The following KIAA0586 variants were observed in gnomAD, a reference collection of about 807,000 sequenced individuals.
The protein encoded by KIAA0586 is KIAA0586.
In KIAA0586, 144 loss-of-function variants were observed where a neutral mutation model predicts 169.8. The ratio of observed to expected loss-of-function variants is 0.85; its 90% CI spans 0.74 to 0.97. The LOEUF (loss-of-function observed/expected upper bound fraction) is 0.97, where lower values mean the gene tolerates loss of function less well. Among genes scored for constraint, KIAA0586 ranks in the 50% least tolerant of loss-of-function variants. The pLI, the probability that KIAA0586 is intolerant of heterozygous loss-of-function variation, is 0.00. For synonymous variants in KIAA0586, 625 were observed against 612.4 expected, an observed-to-expected ratio of 1.02 and a Z score of -0.30; for missense variants, 1,854 against 1,823.0, an observed-to-expected ratio of 1.02 and a Z score of -0.31.
At chr14:58,458,203 G>A (rs781126540) in intron 11 of KIAA0586, among the ~76,000 whole-genome samples, 1 of 151,532 alleles carries the variant, frequency 6.6e-6, no homozygotes, top group Admixed American at 6.6e-5. Context: ...TCTTTCTTTG[G>A]TACATATCTT....
intron 29 of KIAA0586, among the ~76,000 whole-genome samples, chr14:58,522,304 G>T (rs902374318): frequency 6.6e-6 from 1 of 152,156 alleles, no homozygotes; most frequent in African/African-American, 2.4e-5. Context: ...CTTTTGTTAT[G>T]CAGGGAGTAC....
chr14:58,445,082 GA>G lies in KIAA0586; in HGVS notation c.807+908del, dbSNP rs754429855. ...CACTTCATCCTAGATGACAGAGTGA[GA>G]CCCTATCTCAAAAAAAAAGAACTAT... On this transcript the variant is annotated intron_variant, in intron 6 of 30. Transcript: ENST00000652326. Among the ~76,000 whole-genome samples the G allele has an allele frequency of 7.9e-5, 12 of 151,262 alleles. No homozygotes were observed. In the East Asian group the frequency reaches 1.6e-3, roughly 20 times the overall value.
intron 29 of KIAA0586, among the ~76,000 whole-genome samples, chr14:58,525,574 A>G (rs2045529093): frequency 6.6e-6 from 1 of 152,196 alleles, no homozygotes. Flanking sequence ...GCAGACCAGG[A>G]GATTCCCTCA....
chr14:58,447,670 G>A (rs745335906), intron 6 of KIAA0586, among the ~76,000 whole-genome samples: 2 of 151,756 alleles, frequency 1.3e-5, no homozygotes, highest in East Asian at 1.9e-4. Flanking sequence ...TAGGAGAGAC[G>A]GGGTTTCACC....
At chr14:58,544,226 T>C (rs1373435358) in intron 30 of KIAA0586, among the ~76,000 whole-genome samples, 1 of 152,204 alleles carries the variant, frequency 6.6e-6, no homozygotes, top group Non-Finnish European at 1.5e-5. Flanking sequence ...TGCATGGTAT[T>C]CCTTGGTATA....
chr14:58,551,983 T>C (rs1384570707), downstream of KIAA0586, among the ~76,000 whole-genome samples: 1 of 152,134 alleles, frequency 6.6e-6, no homozygotes, highest in Admixed American at 6.6e-5. Flanking sequence ...ATGAAGGACA[T>C]GGGGTGTACA....
chr14:58,520,812 C>G (rs2045156239), intron 29 of KIAA0586: 1 of 157,846 alleles, frequency 6.3e-6, no homozygotes, highest in African/African-American at 2.4e-5. Context: ...AAGTGTGAGC[C>G]ACCGCACCTG....
At chr14:58,475,743 G>C (rs187514705) in intron 19 of KIAA0586, among the ~76,000 whole-genome samples, 1 of 152,120 alleles carries the variant, frequency 6.6e-6, no homozygotes, top group African/African-American at 2.4e-5. Context: ...TATTAATAAT[G>C]TACTGGCATA....
At chr14:58,527,625 G>T (rs2045682033) in intron 29 of KIAA0586, among the ~76,000 whole-genome samples, 3 of 152,142 alleles carry the variant, frequency 2.0e-5, no homozygotes. Context: ...AAGTGAAGGA[G>T]AAATAAAATC....
intron 28 of KIAA0586, among the ~76,000 whole-genome samples, chr14:58,510,453 T>C (rs1039829855): frequency 6.6e-6 from 1 of 152,146 alleles, no homozygotes; most frequent in Non-Finnish European, 1.5e-5. Context: ...ACACATCCAT[T>C]AGAATATCTA....
intron 6 of KIAA0586, among the ~76,000 whole-genome samples, chr14:58,444,705 T>A (rs934941713): frequency 4.6e-5 from 7 of 152,106 alleles, no homozygotes; most frequent in African/African-American, 1.7e-4. Flanking sequence ...GTTACCTGCG[T>A]GAGCTGCCAT....
intron 3 of KIAA0586, 24 bp downstream of exon 3, chr14:58,430,741 T>C: frequency 7.2e-7 from 1 of 1,392,850 alleles, no homozygotes; most frequent in Non-Finnish European, 1.0e-6. Context: ...ATTGATTTTT[T>C]TAAATTGTGA....
chr14:58,526,094 G>C (rs1418516050), intron 29 of KIAA0586, among the ~76,000 whole-genome samples: 1 of 152,198 alleles, frequency 6.6e-6, no homozygotes, highest in East Asian at 1.9e-4. Flanking sequence ...CATCTCCCTG[G>C]GACAGAGCAC....
intron 19 of KIAA0586, among the ~76,000 whole-genome samples, chr14:58,476,155 C>G (rs2041604177): frequency 6.6e-6 from 1 of 152,014 alleles, no homozygotes; most frequent in Non-Finnish European, 1.5e-5. Context: ...AGCATACATA[C>G]CAAATTAACT....
chr14:58,451,416 G>A (rs1268697095), intron 8 of KIAA0586, among the ~76,000 whole-genome samples: 1 of 151,598 alleles, frequency 6.6e-6, no homozygotes, highest in African/African-American at 2.4e-5. Context: ...TCATAGAGAT[G>A]GGGTTTCACT....
At chr14:58,462,852 G>A (rs991608810) in intron 14 of KIAA0586, among the ~76,000 whole-genome samples, 4 of 152,160 alleles carry the variant, frequency 2.6e-5, no homozygotes, top group Admixed American at 2.0e-4. Context: ...TATGGCAGCA[G>A]GAGAGAGGGA....
intron 18 of KIAA0586, 141 bp downstream of exon 18, chr14:58,472,420 A>T: frequency 2.3e-6 from 1 of 436,762 alleles, no homozygotes. Flanking sequence ...ACTTTTAAAA[A>T]TTATAAAGTT....
At chr14:58,510,498 G>A (rs1164406109) in intron 28 of KIAA0586, among the ~76,000 whole-genome samples, 1 of 152,202 alleles carries the variant, frequency 6.6e-6, no homozygotes, top group Admixed American at 6.5e-5. Flanking sequence ...GTGTCGGCAA[G>A]GATGTGGAGC....
chr14:58,476,621 T>G (rs924724305), intron 19 of KIAA0586, among the ~76,000 whole-genome samples: 1 of 151,180 alleles, frequency 6.6e-6, no homozygotes, highest in Non-Finnish European at 1.5e-5. Flanking sequence ...ATAAACTATC[T>G]CCCACAAGGA....
Sources: gnomAD v4.1 joint callset for allele counts (sites outside exome capture counted in the v4.1 genomes callset) on GRCh38, gnomAD v4.1.1 for gene constraint, MANE v1.5 for transcripts, NCBI Gene and HGNC (gene_info 2026-07-23, HGNC 2026-07-21) for gene names.